The following FBXL3 variants were observed in gnomAD, a reference collection of about 807,000 sequenced individuals.
FBXL3 encodes F-box and leucine rich repeat protein 3, also known as F-box/LRR-repeat protein 3.
In FBXL3, 14 loss-of-function variants were observed where a neutral mutation model predicts 37.9. That is an observed-to-expected ratio of 0.37 (90% CI 0.24 to 0.58). The LOEUF (loss-of-function observed/expected upper bound fraction) is 0.58, where lower values mean the gene tolerates loss of function less well. FBXL3 is among the 20% of genes least tolerant of loss of function. The pLI is 0.74. For synonymous variants in FBXL3, 194 were observed against 180.1 expected (o/e 1.08, Z -0.62); for missense variants, 327 against 511.1 (o/e 0.64, Z 3.47).
At chr13:77,018,455 A>G in intron 3 of FBXL3, 145 bp downstream of exon 3, 1 of 510,704 alleles carries the variant, frequency 2.0e-6, no homozygotes, top group Middle Eastern at 5.7e-4. Context: ...AAAAAATACT[A>G]TTTATTTTCA....
In FBXL3 at chr13:77,021,548, T is replaced by G; in HGVS notation, c.313A>C (p.Arg105=). 1 of 1,613,954 alleles carries G rather than the reference T, an allele frequency of 6.2e-7. No homozygotes were observed. Among genetic ancestry groups the G allele is most frequent in the Non-Finnish European group, 8.5e-7 (1 of 1,179,868 alleles). The change falls in exon 2 of 5, where the codon AGA becomes CGA. Residue 105 remains arginine (R), a synonymous_variant. Transcript: ENST00000355619. ...HPELIKQIIK[R]HSNHLQYVSF... is the part of the protein sequence containing the mutation. ...ACATATTGTAGATGGTTTGAATGTC[T>G]TTTAATAATCTGTTTGATCAGCTCT...
At chr13:77,021,459 A>C in intron 2 of FBXL3, 54 bp downstream of exon 2, 1 of 1,371,870 alleles carries the variant, frequency 7.3e-7, no homozygotes, top group Non-Finnish European at 1.0e-6. Context: ...CTGGTTTAGG[A>C]AACAAAGCCA....
intron 1 of FBXL3, chr13:77,026,433 G>C: frequency 3.3e-5 from 31 of 938,804 alleles, no homozygotes; most frequent in Non-Finnish European, 3.9e-5. Flanking sequence ...CAAGCTACCA[G>C]CACGGGCGTA....
At chr13:77,023,244 C>T (rs1193335365) in intron 1 of FBXL3, among the ~76,000 whole-genome samples, 5 of 152,152 alleles carry the variant, frequency 3.3e-5, no homozygotes, top group Non-Finnish European at 5.9e-5. Flanking sequence ...ACTGCAGCCT[C>T]GACCTCCTGA....
intron 4 of FBXL3, among the ~76,000 whole-genome samples, chr13:77,008,104 T>C (rs1237163598): frequency 6.6e-6 from 1 of 152,234 alleles, no homozygotes; most frequent in Non-Finnish European, 1.5e-5. Flanking sequence ...GTGCCATATT[T>C]TTAAAAAGTT....
At chr13:77,025,888 T>C (rs913498469) in intron 1 of FBXL3, among the ~76,000 whole-genome samples, 2 of 152,152 alleles carry the variant, frequency 1.3e-5, no homozygotes, top group Non-Finnish European at 2.9e-5. Context: ...TTTACTAATA[T>C]CAAACTAATA....
intron 1 of FBXL3, 73 bp downstream of exon 1, chr13:77,026,753 GC>G (rs1167604437): frequency 1.5e-4 from 4 of 26,280 alleles, no homozygotes; most frequent in African/African-American, 4.8e-4. Flanking sequence ...ACCCCGGCCC[GC>G]CCACAGACGG....
rs775483274 is a variant in FBXL3 at position 77,007,716 on chromosome 13, T to C, written c.716A>G (p.Glu239Gly). The C allele has an allele frequency of 1.2e-6, 2 of 1,613,996 alleles. No homozygotes were observed. Among genetic ancestry groups the C allele is most frequent in the Non-Finnish European group, 1.7e-6 (2 of 1,179,998 alleles). ...LALNYHLLSDELLLALSSEKH... is the reference protein window; with the variant it reads ...LALNYHLLSDGLLLALSSEKH... ...TTCAGAAGACAATGCAAGTAACAAC[T>C]CATCACTCAATAAGTGGTAGTTCAG... Residue 239 changes from glutamate to glycine, a missense_variant, in exon 5 of 5, where the codon GAG (glutamate) becomes GGG (glycine). By Grantham distance (98) the Glu-to-Gly change is moderately conservative (BLOSUM62 -2). Transcript: ENST00000355619.
chr13:77,025,896 A>C (rs1441890715), intron 1 of FBXL3, among the ~76,000 whole-genome samples: 2 of 152,152 alleles, frequency 1.3e-5, no homozygotes, highest in African/African-American at 4.8e-5. Context: ...TATCAAACTA[A>C]TATGCATTCT....
intron 1 of FBXL3, among the ~76,000 whole-genome samples, chr13:77,025,191 T>C (rs1483185506): frequency 6.6e-6 from 1 of 152,202 alleles, no homozygotes; most frequent in Non-Finnish European, 1.5e-5. Context: ...AGCTGTACTA[T>C]AAAACGTCAA....
intron 1 of FBXL3, chr13:77,026,219 T>G (rs578143461): frequency 3.0e-6 from 3 of 985,052 alleles, no homozygotes; most frequent in Non-Finnish European, 3.6e-6. Context: ...TCCTGACCCC[T>G]GTCTGCAACC....
At chr13:77,014,166 A>C (rs2034603251) in intron 4 of FBXL3, 1 of 152,246 alleles carries the variant, frequency 6.6e-6, no homozygotes, top group African/African-American at 2.4e-5. Context: ...GGAAGTTAAA[A>C]CATTTGAGCA....
At chr13:77,020,414 C>A (rs1309247412) in intron 2 of FBXL3, among the ~76,000 whole-genome samples, 1 of 152,198 alleles carries the variant, frequency 6.6e-6, no homozygotes, top group Non-Finnish European at 1.5e-5. Flanking sequence ...CACCAATTCT[C>A]TCCTCCTCCT....
At chr13:77,017,836 T>A (rs927702959) in intron 3 of FBXL3, 3 of 152,114 alleles carry the variant, frequency 2.0e-5, no homozygotes, top group African/African-American at 7.2e-5. Flanking sequence ...TATTCCCTCC[T>A]CAATCATCCT....
At chr13:77,015,305 G>A in intron 4 of FBXL3, 104 bp downstream of exon 4, 1 of 724,856 alleles carries the variant, frequency 1.4e-6, no homozygotes, top group Non-Finnish European at 2.1e-6. Context: ...AAGAGATGAA[G>A]CAGTCATATT....
At chr13:77,014,233 A>G (rs955461439) in intron 4 of FBXL3, 4 of 152,240 alleles carry the variant, frequency 2.6e-5, no homozygotes, top group African/African-American at 9.6e-5. Context: ...ACAAACAAAA[A>G]TCTGTAGTTC....
intron 4 of FBXL3, among the ~76,000 whole-genome samples, chr13:77,008,184 T>C (rs1188090946): frequency 6.6e-6 from 1 of 152,212 alleles, no homozygotes; most frequent in African/African-American, 2.4e-5. Flanking sequence ...GGACATTTTT[T>C]GAAGTTCAAA....
intron 1 of FBXL3, among the ~76,000 whole-genome samples, chr13:77,024,251 A>G (rs2034799327): frequency 6.6e-6 from 1 of 152,198 alleles, no homozygotes; most frequent in African/African-American, 2.4e-5. Context: ...TTCTGCTTTA[A>G]CTTACCCTGA....
intron 3 of FBXL3, chr13:77,018,204 A>C (rs1347243354): frequency 6.5e-6 from 1 of 152,898 alleles, no homozygotes; most frequent in African/African-American, 2.4e-5. Flanking sequence ...CATTTGCCAA[A>C]AGATTTTAGA....
Sources: gnomAD v4.1 joint callset for allele counts (sites outside exome capture counted in the v4.1 genomes callset) on GRCh38, gnomAD v4.1.1 for gene constraint, MANE v1.5 for transcripts, NCBI Gene and HGNC (gene_info 2026-07-23, HGNC 2026-07-21) for gene names.